Variants in MLLT10 observed in about 807,000 individuals in gnomAD.
MLLT10 encodes the protein protein AF-10.
MLLT10 carries 30 observed loss-of-function variants against 129.1 expected under a neutral mutation model. The observed-to-expected ratio is 0.23, with a 90% CI of 0.17 to 0.32. The LOEUF is 0.32. Among genes scored for constraint, MLLT10 ranks in the 10% least tolerant of loss-of-function variants. MLLT10 has a pLI of 1.00. For synonymous variants in MLLT10, 490 were observed against 446.4 expected, an observed-to-expected ratio of 1.10 and a Z score of -1.23; for missense variants, 1,119 against 1,268.3, an observed-to-expected ratio of 0.88 and a Z score of 1.79.
chr10:21,640,255 A>G (rs1173464737), intron 8 of MLLT10, among the ~76,000 whole-genome samples: 1 of 144,082 alleles, frequency 6.9e-6, no homozygotes, highest in Non-Finnish European at 1.5e-5. Context: ...TATTTATATT[A>G]CATAATATAT....
chr10:21,713,289 A>C (rs928145496), intron 13 of MLLT10, among the ~76,000 whole-genome samples: 1 of 152,152 alleles, frequency 6.6e-6, no homozygotes, highest in Non-Finnish European at 1.5e-5. Flanking sequence ...TTGGTCTCGG[A>C]ATTTCAAGTT....
intron 13 of MLLT10, among the ~76,000 whole-genome samples, chr10:21,708,274 G>A (rs987053872): frequency 2.8e-4 from 42 of 152,336 alleles, no homozygotes; most frequent in African/African-American, 1.0e-3. Context: ...ATCCTGAACA[G>A]ATGAATTTCA....
Position 21,534,360 on chromosome 10 carries a change from T to A in MLLT10, c.-161T>A. 3.2e-6 allele frequency: 1 copy of A among 316,522 alleles called. No homozygotes were observed. Among genetic ancestry groups the A allele is most frequent in the Non-Finnish European group, 6.1e-6 (1 of 165,224 alleles). The allele number at this position is 316,522 out of a possible 1,614,324, so 19.6% of individuals were successfully genotyped here. On this transcript the variant is annotated 5_prime_UTR_variant, in exon 1 of 23. Transcript: ENST00000307729. Reference sequence around the variant, plus strand: ...GAGGCCCTCTTGATTATGTGTGCCCTCTCCGGGCGCCCGCGTTAGCGGCCG... The same window carrying A: ...GAGGCCCTCTTGATTATGTGTGCCCACTCCGGGCGCCCGCGTTAGCGGCCG...
chr10:21,601,448 G>A (rs1171589281), intron 5 of MLLT10, among the ~76,000 whole-genome samples: 1 of 152,192 alleles, frequency 6.6e-6, no homozygotes, highest in Admixed American at 6.5e-5. Flanking sequence ...GTGTATAGTA[G>A]CAGCTTAAAA....
At chr10:21,704,030 T>TG (rs2055210239) in intron 13 of MLLT10, among the ~76,000 whole-genome samples, 1 of 138,986 alleles carries the variant, frequency 7.2e-6, no homozygotes, top group African/African-American at 2.7e-5. Context: ...TTTTTTTTTT[T>TG]TTTTTTTTTG....
In MLLT10 at chr10:21,727,491, G is replaced by A. The variant is rs549552681; in HGVS notation, c.1991-365G>A. ...AAAATACAAAGCATACGGATTTGCT[G>A]TGATAAGCATACAGATTAGCTGTCC... On this transcript the variant is annotated intron_variant, in intron 15 of 22. Coordinates refer to ENST00000307729, the MANE Select transcript of MLLT10 (RefSeq NM_001195626.3). Among the ~76,000 whole-genome samples the A allele has an allele frequency of 5.3e-5, 8 of 152,244 alleles. No homozygotes were observed. The South Asian group carries it at 1.0e-3, about 20-fold the overall frequency.
intron 3 of MLLT10, among the ~76,000 whole-genome samples, chr10:21,544,147 A>C (rs756928291): frequency 6.6e-6 from 1 of 152,146 alleles, no homozygotes; most frequent in African/African-American, 2.4e-5. Context: ...GTTTTAAGAG[A>C]GATAGATGTT....
chr10:21,584,565 T>G (rs1348414321), intron 3 of MLLT10, among the ~76,000 whole-genome samples: 1 of 152,242 alleles, frequency 6.6e-6, no homozygotes, highest in Middle Eastern at 3.4e-3. Flanking sequence ...CCTTCTGTTT[T>G]GGCCTCCCAA....
intron 8 of MLLT10, among the ~76,000 whole-genome samples, chr10:21,650,337 C>T (rs1365556995): frequency 2.0e-5 from 3 of 151,920 alleles, no homozygotes; most frequent in South Asian, 2.1e-4. Context: ...AGTGACACAG[C>T]GAGGCCCTGT....
intron 3 of MLLT10, among the ~76,000 whole-genome samples, chr10:21,582,235 A>G (rs979538116): frequency 6.6e-6 from 1 of 151,784 alleles, no homozygotes; most frequent in Non-Finnish European, 1.5e-5. Flanking sequence ...TTTGTGCCTT[A>G]GCCTCCTGCT....
At chr10:21,739,987 C>T (rs1272984631) in intron 21 of MLLT10, 43 bp from the exon 22 acceptor site, 13 of 1,489,832 alleles carry the variant, frequency 8.7e-6, no homozygotes, top group Admixed American at 2.0e-5. Context: ...TGCTGAATTC[C>T]GTGCTTGGGA....
At chr10:21,708,011 A>G (rs1457023538) in intron 13 of MLLT10, among the ~76,000 whole-genome samples, 2 of 152,058 alleles carry the variant, frequency 1.3e-5, no homozygotes, top group African/African-American at 4.8e-5. Flanking sequence ...CTTCCATTAT[A>G]GTATGTGTTG....
intron 3 of MLLT10, among the ~76,000 whole-genome samples, chr10:21,572,424 GC>G (rs2040306987): frequency 6.6e-6 from 1 of 152,078 alleles, no homozygotes; most frequent in South Asian, 2.1e-4. Flanking sequence ...TCCAAGAAAG[GC>G]TGATGGGATC....
At chr10:21,547,833 G>A (rs181910057) in intron 3 of MLLT10, among the ~76,000 whole-genome samples, 7 of 152,092 alleles carry the variant, frequency 4.6e-5, no homozygotes, top group South Asian at 2.1e-4. Flanking sequence ...GCCACTGTGC[G>A]TCTTATTTTG....
intron 4 of MLLT10, among the ~76,000 whole-genome samples, chr10:21,586,599 T>G (rs370813930): frequency 2.0e-5 from 3 of 152,128 alleles, no homozygotes; most frequent in Non-Finnish European, 2.9e-5. Flanking sequence ...TAAATTCTTA[T>G]GTTTTTGGCT....
chr10:21,536,827 C>T (rs1482766824), intron 2 of MLLT10, among the ~76,000 whole-genome samples: 1 of 151,898 alleles, frequency 6.6e-6, no homozygotes, highest in East Asian at 1.9e-4. Flanking sequence ...TCTTGTTGCT[C>T]AGGCTGGAGT....
intron 13 of MLLT10, among the ~76,000 whole-genome samples, chr10:21,699,138 G>C (rs1198817300): frequency 2.6e-5 from 4 of 152,114 alleles, no homozygotes; most frequent in Non-Finnish European, 5.9e-5. Context: ...GCCTCCCAAA[G>C]TGCTGGGATT....
At chr10:21,586,499 T>A in intron 4 of MLLT10, 151 bp downstream of exon 4, 1 of 716,634 alleles carries the variant, frequency 1.4e-6, no homozygotes, top group Non-Finnish European at 2.4e-6. Flanking sequence ...AAATCCTTAT[T>A]GTATTGACCC....
chr10:21,548,921 T>C (rs1033610137), intron 3 of MLLT10, among the ~76,000 whole-genome samples: 1 of 152,140 alleles, frequency 6.6e-6, no homozygotes, highest in East Asian at 1.9e-4. Context: ...TTGTTAACTC[T>C]GGTGATAGAT....
Sources: gnomAD v4.1 joint callset for allele counts (sites outside exome capture counted in the v4.1 genomes callset) on GRCh38, gnomAD v4.1.1 for gene constraint, MANE v1.5 for transcripts, NCBI Gene and HGNC (gene_info 2026-07-23, HGNC 2026-07-21) for gene names.